THSD7A: variants seen among roughly 807,000 people sequenced by gnomAD.
THSD7A encodes thrombospondin type-1 domain-containing protein 7A.
A neutral mutation model predicts 231.3 loss-of-function variants in THSD7A; 96 were observed. The ratio of observed to expected loss-of-function variants is 0.41; its 90% CI spans 0.35 to 0.49. The LOEUF is 0.49. Among genes scored for constraint, THSD7A ranks in the 20% least tolerant of loss-of-function variants. The pLI is 0.05. For synonymous variants in THSD7A, 940 were observed against 743.3 expected, an observed-to-expected ratio of 1.26 and a Z score of -4.30; for missense variants, 2,290 against 2,070.2, an observed-to-expected ratio of 1.11 and a Z score of -2.06.
At chr7:11,761,985 A>T (rs986092709) in intron 1 of THSD7A, among the ~76,000 whole-genome samples, 2 of 152,126 alleles carry the variant, frequency 1.3e-5, no homozygotes, top group Admixed American at 6.6e-5. Context: ...TACCACTTAT[A>T]ACTGAGAACA....
At chr7:11,544,043 A>T (rs2040819) in intron 4 of THSD7A, among the ~76,000 whole-genome samples, 99,393 of 151,732 alleles carry the variant, frequency 0.66, 32,945 homozygotes, top group Admixed American at 0.79. Context: ...CTTTTGTTTT[A>T]AAAAAAAATC....
At chr7:11,676,412 T>A (rs1783639936) in intron 1 of THSD7A, among the ~76,000 whole-genome samples, 1 of 152,048 alleles carries the variant, frequency 6.6e-6, no homozygotes, top group Non-Finnish European at 1.5e-5. Context: ...GGATGGCAAA[T>A]GAGTTTGACT....
chr7:11,795,413 G>A (rs1213264541), intron 1 of THSD7A, among the ~76,000 whole-genome samples: 3 of 151,866 alleles, frequency 2.0e-5, no homozygotes, highest in African/African-American at 7.3e-5. Flanking sequence ...AAAAGATGAT[G>A]GTATCCTATT....
chr7:11,475,093 G>C (rs187815299), intron 7 of THSD7A, among the ~76,000 whole-genome samples: 6 of 152,288 alleles, frequency 3.9e-5, no homozygotes, highest in Admixed American at 2.0e-4. Flanking sequence ...TATTGACATA[G>C]TCAATTGGAG....
chr7:11,713,808 G>T (rs1208182415), intron 1 of THSD7A, among the ~76,000 whole-genome samples: 1 of 151,114 alleles, frequency 6.6e-6, no homozygotes, highest in Non-Finnish European at 1.5e-5. Context: ...TCCTATCAGT[G>T]GGTGCTGAAG....
intron 8 of THSD7A, among the ~76,000 whole-genome samples, chr7:11,472,970 C>T (rs1180041113): frequency 6.6e-6 from 1 of 152,140 alleles, no homozygotes; most frequent in Admixed American, 6.6e-5. Flanking sequence ...GCTGTTACCA[C>T]TTTTGAATTT....
intron 1 of THSD7A, among the ~76,000 whole-genome samples, chr7:11,758,906 C>T (rs1009972684): frequency 6.6e-6 from 1 of 152,048 alleles, no homozygotes; most frequent in Non-Finnish European, 1.5e-5. Flanking sequence ...GCCAGTAAAA[C>T]TTTATTCATG....
intron 1 of THSD7A, among the ~76,000 whole-genome samples, chr7:11,660,232 T>C (rs1233767277): frequency 1.3e-5 from 2 of 151,566 alleles, no homozygotes; most frequent in African/African-American, 4.8e-5. Flanking sequence ...GGATATTCTC[T>C]GATGTTCAAA....
chr7:11,379,859 T>A, intron 24 of THSD7A, 147 bp from the exon 25 acceptor site: 1 of 848,510 alleles, frequency 1.2e-6, no homozygotes, highest in Non-Finnish European at 1.9e-6. Context: ...AATATTTGGT[T>A]AACCTTGACC....
chr7:11,399,044 C>G (rs1450535304), intron 23 of THSD7A, among the ~76,000 whole-genome samples: 1 of 152,142 alleles, frequency 6.6e-6, no homozygotes, highest in Admixed American at 6.6e-5. Flanking sequence ...ATGTGAAAAC[C>G]CTCAGGCCTT....
At chr7:11,569,456 G>A (rs1030852465) in intron 4 of THSD7A, among the ~76,000 whole-genome samples, 2 of 152,078 alleles carry the variant, frequency 1.3e-5, no homozygotes, top group South Asian at 2.1e-4. Context: ...TCAGGGTAAC[G>A]CAAATCAAAA....
intron 11 of THSD7A, among the ~76,000 whole-genome samples, 161 bp from the exon 12 acceptor site, chr7:11,447,585 C>T (rs1785013780): frequency 6.6e-6 from 1 of 152,022 alleles, no homozygotes; most frequent in Non-Finnish European, 1.5e-5. Flanking sequence ...ATCCCAGTAG[C>T]CATTAAATTG....
intron 1 of THSD7A, among the ~76,000 whole-genome samples, chr7:11,774,380 T>C (rs1176520847): frequency 6.6e-6 from 1 of 152,074 alleles, no homozygotes; most frequent in African/African-American, 2.4e-5. Flanking sequence ...TTAGGCAAGA[T>C]AAATCAGTTC....
At chr7:11,465,436 G>A (rs568608350) in intron 9 of THSD7A, among the ~76,000 whole-genome samples, 1 of 152,210 alleles carries the variant, frequency 6.6e-6, no homozygotes, top group East Asian at 1.9e-4. Context: ...AAATAATCAT[G>A]TGATGATGGG....
intron 13 of THSD7A, among the ~76,000 whole-genome samples, chr7:11,442,578 T>C (rs1241231543): frequency 6.6e-6 from 1 of 152,050 alleles, no homozygotes; most frequent in African/African-American, 2.4e-5. Context: ...AGAAAGAAGT[T>C]GTCATAGAGA....
At chr7:11,805,029 G>A (rs191367266) in intron 1 of THSD7A, among the ~76,000 whole-genome samples, 1 of 152,168 alleles carries the variant, frequency 6.6e-6, no homozygotes, top group East Asian at 1.9e-4. Context: ...GTGCCCTATG[G>A]AAGCTTACAA....
chr7:11,709,449 T>C (rs1272499366), intron 1 of THSD7A, among the ~76,000 whole-genome samples: 3 of 150,782 alleles, frequency 2.0e-5, no homozygotes, highest in Non-Finnish European at 4.5e-5. Flanking sequence ...GCCTGGTAAA[T>C]GAGTTATGGT....
chr7:11,673,579 C>T (rs1451274399), intron 1 of THSD7A, among the ~76,000 whole-genome samples: 1 of 152,112 alleles, frequency 6.6e-6, no homozygotes, highest in Admixed American at 6.5e-5. Context: ...CTTCATGGCC[C>T]CTCCTAAGAC....
Position 11,469,874 on chromosome 7 carries a change from C to T in THSD7A, c.2368+5G>A, listed in dbSNP as rs928322617. The T allele has an allele frequency of 9.5e-6, 15 of 1,574,044 alleles. No homozygotes were observed. Among genetic ancestry groups the T allele is most frequent in the Non-Finnish European group, 1.3e-5 (15 of 1,153,652 alleles). On this transcript the variant is annotated splice_donor_5th_base_variant and intron_variant, in intron 9 of 27. Coordinates refer to ENST00000423059, the MANE Select transcript of THSD7A (RefSeq NM_015204.3). ...GAACAGCCTTCCTAACTCTGCAGACCATACCTTCTTTACACGAAGAGGGGC... is the reference window on the plus strand; with the variant it reads ...GAACAGCCTTCCTAACTCTGCAGACTATACCTTCTTTACACGAAGAGGGGC...
Sources: gnomAD v4.1 joint callset for allele counts (sites outside exome capture counted in the v4.1 genomes callset) on GRCh38, gnomAD v4.1.1 for gene constraint, MANE v1.5 for transcripts, NCBI Gene and HGNC (gene_info 2026-07-23, HGNC 2026-07-21) for gene names.